LMF1: variants seen among roughly 807,000 people sequenced by gnomAD.
LMF1 encodes the protein transmembrane protein 112.
A neutral mutation model predicts 60.6 loss-of-function variants in LMF1; 68 were observed. The ratio of observed to expected loss-of-function variants is 1.12; its 90% CI spans 0.92 to 1.37. The LOEUF (loss-of-function observed/expected upper bound fraction) is 1.37. Ranked by LOEUF, LMF1 falls within the 40% of genes most tolerant of loss-of-function variation. The probability of loss-of-function intolerance (pLI) is 0.00; values close to 1 mark genes in which losing one functional copy is unlikely to be tolerated. For synonymous variants in LMF1, 418 were observed against 324.7 expected (o/e 1.29, Z -3.09); for missense variants, 948 against 767.2 (o/e 1.24, Z -2.78).
chr16:909,591 A>G (rs1028114599), intron 4 of LMF1, among the ~76,000 whole-genome samples: 5 of 151,996 alleles, frequency 3.3e-5, no homozygotes, highest in African/African-American at 1.2e-4. Flanking sequence ...TACACACTAC[A>G]CTGAACCATG....
chr16:908,301 C>T (rs4984972), intron 4 of LMF1, among the ~76,000 whole-genome samples: 2 of 151,992 alleles, frequency 1.3e-5, no homozygotes, highest in Non-Finnish European at 2.9e-5. Context: ...AAAGTAAACC[C>T]GGAGACAGCA....
intron 2 of LMF1, among the ~76,000 whole-genome samples, chr16:943,726 CAAAAAAA>C (rs3057499): frequency 2.5e-4 from 14 of 56,816 alleles, no homozygotes; most frequent in African/African-American, 8.8e-4. Context: ...GACTCTGTCT[CAAAAAAA>C]AAAAAAAAAA....
intron 6 of LMF1, among the ~76,000 whole-genome samples, chr16:876,082 C>T (rs563669257): frequency 7.2e-5 from 11 of 152,360 alleles, no homozygotes; most frequent in East Asian, 3.9e-4. Flanking sequence ...CCTCCTTGTG[C>T]GCCCTGTGGG....
chr16:871,067 C>A lies in LMF1; in HGVS notation c.1078+94G>T, dbSNP rs971013398. 2.8e-6 allele frequency: 4 copies of A among 1,429,046 alleles called. No homozygotes were observed. The African/African-American group carries it at 5.7e-5, about 20-fold the overall frequency. The allele number at this position is 1,429,046 out of a possible 1,614,324, so 88.5% of individuals were successfully genotyped here. On this transcript the variant is annotated intron_variant, in intron 7 of 10. Coordinates refer to ENST00000262301, the MANE Select transcript of LMF1 (RefSeq NM_022773.4). ...CGGACGGCGCTGACTCTCCTCCTACCCTGGCGTCCCCAACCCACACGGGCA... is the reference window on the plus strand; with the variant it reads ...CGGACGGCGCTGACTCTCCTCCTACACTGGCGTCCCCAACCCACACGGGCA...
At chr16:927,060 C>T (rs929914721) in intron 3 of LMF1, among the ~76,000 whole-genome samples, 1 of 152,096 alleles carries the variant, frequency 6.6e-6, no homozygotes, top group African/African-American at 2.4e-5. Flanking sequence ...GGCGGAGACT[C>T]AGGCCCAGAG....
intron 10 of LMF1, among the ~76,000 whole-genome samples, chr16:863,447 T>TC (rs2076247685): frequency 6.6e-6 from 1 of 152,168 alleles, no homozygotes; most frequent in African/African-American, 2.4e-5. Flanking sequence ...CAACCTCTTT[T>TC]TTCATCTTTG....
At chr16:926,664 G>A (rs542346674) in intron 3 of LMF1, among the ~76,000 whole-genome samples, 14 of 152,332 alleles carry the variant, frequency 9.2e-5, no homozygotes, top group South Asian at 2.1e-4. Context: ...CCAAAGCTGC[G>A]CACGCACATG....
chr16:953,201 G>A (rs866784987), intron 2 of LMF1, among the ~76,000 whole-genome samples: 2,244 of 72,926 alleles, frequency 0.031, 1 homozygote, highest in Non-Finnish European at 0.035. Flanking sequence ...CCTCCTACAT[G>A]TCCACACAGA....
At chr16:859,195 G>A (rs1432376115) in intron 10 of LMF1, among the ~76,000 whole-genome samples, 1 of 130,602 alleles carries the variant, frequency 7.7e-6, no homozygotes, top group East Asian at 2.3e-4. Context: ...CTCGGGACGG[G>A]TGTGAGTGGT....
At chr16:922,468 T>C (rs1236060852) in intron 3 of LMF1, among the ~76,000 whole-genome samples, 7 of 152,230 alleles carry the variant, frequency 4.6e-5, no homozygotes, top group Non-Finnish European at 1.5e-5. Context: ...TGGCCAGCCC[T>C]TGTGTGGACA....
At chr16:867,604 C>T (rs555721771) in intron 10 of LMF1, among the ~76,000 whole-genome samples, 1 of 152,328 alleles carries the variant, frequency 6.6e-6, no homozygotes, top group South Asian at 2.1e-4. Context: ...CCCAGGGCTG[C>T]TGGTGGCCAC....
chr16:931,602 T>G (rs750996943), intron 3 of LMF1: 1 of 1,274,860 alleles, frequency 7.8e-7, no homozygotes, highest in South Asian at 1.2e-5. Flanking sequence ...TCCAGTGCCT[T>G]TGGTCTAGGT....
chr16:935,843 A>C (rs910652025), intron 2 of LMF1, among the ~76,000 whole-genome samples: 1 of 152,186 alleles, frequency 6.6e-6, no homozygotes, highest in Admixed American at 6.5e-5. Flanking sequence ...GTGATTTTCC[A>C]CCTTGACATT....
chr16:956,608 C>G (rs888313193), intron 1 of LMF1, among the ~76,000 whole-genome samples: 41 of 152,018 alleles, frequency 2.7e-4, no homozygotes, highest in African/African-American at 9.7e-4. Flanking sequence ...CTTTGGGAGG[C>G]CAAGGCAGGC....
chr16:915,170 G>A (rs1479296910), intron 3 of LMF1, among the ~76,000 whole-genome samples: 1 of 152,244 alleles, frequency 6.6e-6, no homozygotes. Context: ...CGCCTCTGCA[G>A]AGCCAAGGGG....
At chr16:978,697 A>G (rs2073248293) in intron 1 of LMF1, among the ~76,000 whole-genome samples, 1 of 152,120 alleles carries the variant, frequency 6.6e-6, no homozygotes, top group Non-Finnish European at 1.5e-5. Flanking sequence ...GGGTGGGGCC[A>G]TGCAGACACG....
At chr16:885,024 A>T (rs995910082) in intron 5 of LMF1, 1 of 152,286 alleles carries the variant, frequency 6.6e-6, no homozygotes, top group African/African-American at 2.4e-5. Flanking sequence ...TGTTCTTCCA[A>T]TTGAATGAAA....
At chr16:863,340 C>G (rs1422491633) in intron 10 of LMF1, among the ~76,000 whole-genome samples, 1 of 152,288 alleles carries the variant, frequency 6.6e-6, no homozygotes, top group East Asian at 1.9e-4. Context: ...CCGGGTTTCA[C>G]CATGTTGGCC....
chr16:884,702 A>G (rs1454721797), intron 5 of LMF1, among the ~76,000 whole-genome samples: 3 of 150,296 alleles, frequency 2.0e-5, no homozygotes, highest in African/African-American at 7.4e-5. Flanking sequence ...AGCTCTGGAA[A>G]TGGTGATGTT....
Sources: allele counts gnomAD v4.1 joint callset (sites outside exome capture counted in the v4.1 genomes callset), GRCh38; gene constraint gnomAD v4.1.1; transcripts MANE v1.5; gene names NCBI Gene and HGNC (gene_info 2026-07-23, HGNC 2026-07-21).